The following WDPCP variants were observed in gnomAD, a reference collection of about 807,000 sequenced individuals.
WDPCP encodes WD repeat-containing and planar cell polarity effector protein fritz homolog.
In WDPCP, 71 loss-of-function variants were observed where a neutral mutation model predicts 93.1. The observed-to-expected ratio is 0.76, with a 90% CI of 0.63 to 0.93. The LOEUF (loss-of-function observed/expected upper bound fraction) is 0.93, where lower values mean the gene tolerates loss of function less well. Ranked by LOEUF, WDPCP falls within the 40% of genes least tolerant of loss-of-function variation. The probability of loss-of-function intolerance (pLI) is 0.00; values close to 1 mark genes in which losing one functional copy is unlikely to be tolerated. For synonymous variants in WDPCP, 315 were observed against 315.0 expected (o/e 1.00, Z 0.00); for missense variants, 844 against 887.4 (o/e 0.95, Z 0.62).
At chr2:63,185,053 T>G (rs1262002776) in intron 14 of WDPCP, among the ~76,000 whole-genome samples, 2 of 152,242 alleles carry the variant, frequency 1.3e-5, no homozygotes, top group African/African-American at 4.8e-5. Flanking sequence ...CCAAAAGTTA[T>G]GTTTGTTCAT....
At chr2:63,246,666 T>C (rs1386902042) in intron 14 of WDPCP, among the ~76,000 whole-genome samples, 2 of 152,146 alleles carry the variant, frequency 1.3e-5, no homozygotes, top group Non-Finnish European at 2.9e-5. Context: ...ACTGGCACAA[T>C]CTCTGGCCTG....
intron 10 of WDPCP, among the ~76,000 whole-genome samples, chr2:63,394,195 C>T (rs960167609): frequency 1.1e-4 from 17 of 151,846 alleles, no homozygotes; most frequent in Non-Finnish European, 1.9e-4. Flanking sequence ...AAATGAACAA[C>T]CAAAACACAA....
At chr2:63,304,374 T>G (rs1685558871) in intron 13 of WDPCP, among the ~76,000 whole-genome samples, 1 of 152,136 alleles carries the variant, frequency 6.6e-6, no homozygotes, top group Admixed American at 6.5e-5. Context: ...CATTTCCAAC[T>G]GAGGTACCTG....
At chr2:63,163,739 AT>A (rs370230768) in intron 15 of WDPCP, among the ~76,000 whole-genome samples, 69 of 150,258 alleles carry the variant, frequency 4.6e-4, no homozygotes, top group African/African-American at 1.4e-3. Context: ...ATAGGCTGTA[AT>A]TTTTTTTTTC....
intron 1 of WDPCP, among the ~76,000 whole-genome samples, chr2:63,824,853 G>A (rs544535181): frequency 5.9e-5 from 9 of 152,122 alleles, no homozygotes; most frequent in African/African-American, 1.9e-4. Flanking sequence ...ATAATCTTTG[G>A]TTAGGTAAAA....
intron 3 of WDPCP, among the ~76,000 whole-genome samples, chr2:63,602,547 T>C (rs939680680): frequency 2.0e-5 from 3 of 152,134 alleles, no homozygotes; most frequent in African/African-American, 7.2e-5. Flanking sequence ...ACCAGTTTTA[T>C]ATTCACTTAT....
intron 1 of WDPCP, among the ~76,000 whole-genome samples, chr2:63,505,815 G>A (rs761574926): frequency 2.6e-5 from 4 of 152,044 alleles, no homozygotes; most frequent in Non-Finnish European, 4.4e-5. Flanking sequence ...TGCAACCACT[G>A]AGTGGCACCA....
chr2:63,548,760 G>A (rs992781831), intron 1 of WDPCP, among the ~76,000 whole-genome samples: 1 of 151,640 alleles, frequency 6.6e-6, no homozygotes, highest in African/African-American at 2.4e-5. Context: ...ATCCTGAGTA[G>A]CTAGGATTAC....
rs114092946 is a variant in WDPCP at position 63,485,660 on chromosome 2, T to C, written c.254-673A>G. ...GATAAAATTATTTAGTAGAGTCATG[T>C]TAGCCTAAAATAAATTAAAAATAGT... is the stretch of plus-strand genomic sequence containing the variant. On this transcript the variant is annotated intron_variant, in intron 4 of 17. Transcript: ENST00000272321. 4.2e-3 allele frequency among the ~76,000 whole-genome samples: 631 copies of C among 151,996 alleles called. 1 individual carries two copies. The highest frequency in any genetic ancestry group is 7.6e-3 in the Non-Finnish European group (515 of 67,858).
upstream of WDPCP, chr2:63,827,856 CCA>C (rs1671137038): frequency 6.6e-6 from 1 of 152,198 alleles, no homozygotes; most frequent in South Asian, 2.1e-4. Context: ...TCTTTTATAG[CCA>C]CAGAGTTTGT....
At chr2:63,315,917 G>A (rs1037142603) in intron 12 of WDPCP, among the ~76,000 whole-genome samples, 1 of 149,772 alleles carries the variant, frequency 6.7e-6, no homozygotes. Flanking sequence ...CATGTGCCAC[G>A]TTCTGGGGTA....
rs114314847 is a variant in WDPCP, at chr2:63,737,882, A to T, written n.308+75740T>A. Among the ~76,000 whole-genome samples the T allele has an allele frequency of 6.2e-3, 938 of 152,236 alleles. 15 individuals are homozygous for T. The highest frequency in any genetic ancestry group is 0.021 in the African/African-American group (876 of 41,544). On this transcript the variant is annotated intron_variant and non_coding_transcript_variant, in intron 2 of 4. Transcript: ENST00000467687. The stretch of plus-strand genomic sequence containing the variant: ...CCAGATGATTTTTTTTTAAGCACAC[A>T]TGATTTTAAAAAATTTTGTTTGAGT...
intron 1 of WDPCP, chr2:63,519,057 A>ACCC (rs58474794): frequency 5.2e-5 from 7 of 133,950 alleles, no homozygotes; most frequent in Admixed American, 4.5e-4. Context: ...ACATCCTGCC[A>ACCC]CCCCCCCCCC....
Position 63,459,914 on chromosome 2 carries a change from C to A in WDPCP, c.385-20043G>T, listed in dbSNP as rs181683613. Among the ~76,000 whole-genome samples the A allele has an allele frequency of 3.3e-5, 5 of 151,844 alleles. No homozygotes were observed. In the East Asian group the frequency reaches 9.7e-4, roughly 29 times the overall value. ...CCTGAGCAACAGAGTGAGATTCTGTCTCAAAAAAAGAAGAAAAACAAAACA... is the reference window on the plus strand; with the variant it reads ...CCTGAGCAACAGAGTGAGATTCTGTATCAAAAAAAGAAGAAAAACAAAACA... On this transcript the variant is annotated intron_variant, in intron 6 of 17. Coordinates refer to ENST00000272321, the MANE Select transcript of WDPCP (RefSeq NM_015910.7).
At chr2:63,383,669 C>CA (rs1236476905) in intron 10 of WDPCP, among the ~76,000 whole-genome samples, 1 of 152,150 alleles carries the variant, frequency 6.6e-6, no homozygotes, top group East Asian at 1.9e-4. Context: ...ACCAAGATCA[C>CA]ACCACTGCAC....
chr2:63,335,339 C>G (rs1163255955), intron 12 of WDPCP, among the ~76,000 whole-genome samples: 4 of 152,238 alleles, frequency 2.6e-5, no homozygotes, highest in Admixed American at 1.3e-4. Context: ...GCAAATAAAC[C>G]TCCTAAAATG....
intron 17 of WDPCP, among the ~76,000 whole-genome samples, chr2:63,129,682 T>C (rs1670162680): frequency 6.6e-6 from 1 of 152,224 alleles, no homozygotes; most frequent in Non-Finnish European, 1.5e-5. Flanking sequence ...ATTTGTCACT[T>C]ATTATATATG....
chr2:63,399,638 GAGAA>G (rs1294208984), intron 10 of WDPCP, among the ~76,000 whole-genome samples: 3 of 151,524 alleles, frequency 2.0e-5, no homozygotes, highest in Non-Finnish European at 4.4e-5. Flanking sequence ...CAGAGTATGT[GAGAA>G]AGAGAGAGCA....
At chr2:63,691,597 T>G (rs752524897) in intron 2 of WDPCP, among the ~76,000 whole-genome samples, 46 of 152,026 alleles carry the variant, frequency 3.0e-4, no homozygotes, top group Non-Finnish European at 5.3e-4. Flanking sequence ...ATTGTGCCAC[T>G]GCATTCCAGC....
Sources: allele counts gnomAD v4.1 joint callset (sites outside exome capture counted in the v4.1 genomes callset), GRCh38; gene constraint gnomAD v4.1.1; transcripts MANE v1.5; gene names NCBI Gene and HGNC (gene_info 2026-07-23, HGNC 2026-07-21).